The following EVL variants were observed in gnomAD, a reference collection of about 807,000 sequenced individuals.
EVL encodes the protein Enah/Vasp-like.
A neutral mutation model predicts 59.6 loss-of-function variants in EVL; 21 were observed. The observed-to-expected ratio is 0.35, with a 90% CI of 0.25 to 0.51. EVL has a LOEUF of 0.51. Among genes scored for constraint, EVL ranks in the 20% least tolerant of loss-of-function variants. EVL has a pLI of 0.97. For missense variants in EVL, 462 were observed against 546.6 expected (o/e 0.85, Z 1.54); for synonymous variants, 198 against 203.5 (o/e 0.97, Z 0.23).
rs778468827 is a variant in EVL at position 100,137,560 on chromosome 14, C to T, written c.965-18C>T. The T allele has an allele frequency of 4.0e-5, 64 of 1,613,246 alleles. No individual in the cohort carries two copies. The highest frequency in any genetic ancestry group is 5.3e-5 in the Non-Finnish European group (62 of 1,179,796). On this transcript the variant is annotated intron_variant, in intron 9 of 13. Coordinates refer to ENST00000392920, the MANE Select transcript of EVL (RefSeq NM_016337.3). Reference sequence around the variant, plus strand: ...CCCTTCACCTGTGAGGTTCTTCATCCATGAAATGAACTGACAGAGGCTGGC... The same window carrying T: ...CCCTTCACCTGTGAGGTTCTTCATCTATGAAATGAACTGACAGAGGCTGGC...
intron 1 of EVL, among the ~76,000 whole-genome samples, chr14:100,038,452 C>T (rs904926932): frequency 2.6e-5 from 4 of 152,154 alleles, no homozygotes; most frequent in African/African-American, 9.7e-5. Context: ...CCACCACTGC[C>T]TCCTCTCGGT....
intron 1 of EVL, among the ~76,000 whole-genome samples, chr14:100,037,388 T>C (rs1181728663): frequency 6.6e-6 from 1 of 152,242 alleles, no homozygotes; most frequent in East Asian, 1.9e-4. Flanking sequence ...GTTCAAGGCT[T>C]ACCTTTTCCT....
chr14:99,973,237 A>G (rs2060747168), intron 1 of EVL, among the ~76,000 whole-genome samples: 1 of 152,202 alleles, frequency 6.6e-6, no homozygotes, highest in African/African-American at 2.4e-5. Flanking sequence ...ACGAGCTGAC[A>G]TTCTTACCAA....
chr14:100,069,916 G>T lies in EVL; in HGVS notation c.11+4405G>T, dbSNP rs148070280. ...TCCTTTGAGGTCTGGTATCACTATT[G>T]CCACTTTACAGATAAGAAAACAAGG... On this transcript the variant is annotated intron_variant, in intron 1 of 13. Transcript: ENST00000392920. 6.2e-3 allele frequency among the ~76,000 whole-genome samples: 935 copies of T among 151,880 alleles called. 24 individuals are homozygous for T. Among genetic ancestry groups the T allele is most frequent in the Admixed American group, 0.051 (772 of 15,248 alleles).
At chr14:100,070,375 T>C (rs1236887229) in intron 1 of EVL, among the ~76,000 whole-genome samples, 1 of 152,192 alleles carries the variant, frequency 6.6e-6, no homozygotes, top group African/African-American at 2.4e-5. Context: ...CCTCTCAGCT[T>C]TAACTTCTCA....
chr14:100,092,135 G>A (rs192778360), intron 2 of EVL, among the ~76,000 whole-genome samples: 82 of 151,996 alleles, frequency 5.4e-4, no homozygotes, highest in Non-Finnish European at 1.0e-3. Flanking sequence ...CCAGCTACTC[G>A]GGAGGCTGAG....
rs561889035 is a variant in EVL at position 100,086,946 on chromosome 14, T to G, written c.180+2091T>G. ...GGCAGGAAATCTGGTCCATAACAACTTTTAGGGACCTCAGTAGAAAGACTG... is the reference window on the plus strand; with the variant it reads ...GGCAGGAAATCTGGTCCATAACAACGTTTAGGGACCTCAGTAGAAAGACTG... On this transcript the variant is annotated intron_variant, in intron 2 of 13. Coordinates refer to ENST00000392920, the MANE Select transcript of EVL (RefSeq NM_016337.3). Among the ~76,000 whole-genome samples, 495 of 152,320 alleles carry G rather than the reference T, an allele frequency of 3.2e-3. 2 individuals are homozygous for G. Among genetic ancestry groups the G allele is most frequent in the African/African-American group, 0.012 (490 of 41,574 alleles).
intron 1 of EVL, among the ~76,000 whole-genome samples, chr14:100,078,451 C>T (rs983839512): frequency 3.2e-4 from 48 of 152,054 alleles, no homozygotes; most frequent in African/African-American, 9.6e-4. Context: ...CCCAGTGACT[C>T]GAGAGCCGGA....
chr14:100,006,811 C>CAAAAAAAA (rs56007744), intron 1 of EVL, among the ~76,000 whole-genome samples: 2 of 127,892 alleles, frequency 1.6e-5, no homozygotes, highest in Non-Finnish European at 3.5e-5. Flanking sequence ...AGTAAAACAT[C>CAAAAAAAA]AAAAAAAAAA....
intron 3 of EVL, among the ~76,000 whole-genome samples, chr14:100,120,502 GA>G: frequency 6.6e-6 from 1 of 152,348 alleles, no homozygotes; most frequent in East Asian, 1.9e-4. Context: ...CGGTTGGTGA[GA>G]AGGAGCATGA....
chr14:99,979,303 G>T (rs1351798650), intron 1 of EVL, among the ~76,000 whole-genome samples: 2 of 151,200 alleles, frequency 1.3e-5, no homozygotes, highest in African/African-American at 4.9e-5. Context: ...TTATATATTC[G>T]AGTCATTTAT....
intron 1 of EVL, among the ~76,000 whole-genome samples, chr14:99,979,869 CAAAAATAAATAAAT>C (rs1215091084): frequency 2.6e-5 from 4 of 151,934 alleles, no homozygotes; most frequent in African/African-American, 4.8e-5. Context: ...GACTCCGTCT[CAAAAATAAATAAAT>C]AAAAATAAAT....
intron 1 of EVL, among the ~76,000 whole-genome samples, chr14:99,986,344 A>G (rs1173867853): frequency 1.3e-5 from 2 of 151,336 alleles, no homozygotes; most frequent in African/African-American, 4.9e-5. Context: ...GCTTCTTTCT[A>G]CCAGCTGAGA....
intron 1 of EVL, among the ~76,000 whole-genome samples, chr14:100,030,598 T>G (rs2061299111): frequency 6.6e-6 from 1 of 152,228 alleles, no homozygotes; most frequent in South Asian, 2.1e-4. Context: ...ATGCCAGAAA[T>G]CAGTCCTTGG....
At chr14:100,123,632 G>A in intron 4 of EVL, 30 bp downstream of exon 4, 2 of 1,612,730 alleles carry the variant, frequency 1.2e-6, no homozygotes, top group Non-Finnish European at 1.7e-6. Flanking sequence ...GGCCAGGCTG[G>A]TCATCTCCCA....
chr14:100,113,124 CA>C lies in EVL; in HGVS notation c.359-10414del, dbSNP rs774415383. ...TGATCTGAGTCTTAAAGGGGATGGA[CA>C]GACGTTCACCAGTTAGAAGAGTAGC... On this transcript the variant is annotated intron_variant, in intron 3 of 13. Coordinates refer to ENST00000392920, the MANE Select transcript of EVL (RefSeq NM_016337.3). Among the ~76,000 whole-genome samples, 164 of 152,176 alleles carry C rather than the reference CA, an allele frequency of 1.1e-3. 1 individual carries two copies. Among genetic ancestry groups the C allele is most frequent in the Non-Finnish European group, 1.8e-3 (123 of 68,040 alleles).
intron 1 of EVL, among the ~76,000 whole-genome samples, chr14:100,036,067 G>A (rs1027568267): frequency 6.6e-6 from 1 of 152,316 alleles, no homozygotes; most frequent in South Asian, 2.1e-4. Context: ...GCAGTGGTGA[G>A]CATTACTGCC....
At chr14:100,095,079 AT>A (rs1885714992) in intron 2 of EVL, among the ~76,000 whole-genome samples, 1 of 152,070 alleles carries the variant, frequency 6.6e-6, no homozygotes, top group East Asian at 1.9e-4. Context: ...GGTACTAAAA[AT>A]TTTTTTTGTT....
chr14:100,047,925 A>G lies in EVL; in HGVS notation c.6-36762A>G, dbSNP rs112524923. On this transcript the variant is annotated intron_variant, in intron 1 of 13. Transcript: ENST00000402714. ...AACAATTGGACACCCTTATGCAAAA[A>G]GAAGTGAATTTTGGCCTAATCCTCA... Among the ~76,000 whole-genome samples, 76 of 152,362 alleles carry G rather than the reference A, an allele frequency of 5.0e-4. 1 individual carries two copies. The highest frequency in any genetic ancestry group is 1.7e-3 in the African/African-American group (72 of 41,596).
Sources: gnomAD v4.1 joint callset for allele counts (sites outside exome capture counted in the v4.1 genomes callset) on GRCh38, gnomAD v4.1.1 for gene constraint, MANE v1.5 for transcripts, NCBI Gene and HGNC (gene_info 2026-07-23, HGNC 2026-07-21) for gene names.